STXBP5L: variants seen among roughly 807,000 people sequenced by gnomAD.
STXBP5L encodes the protein syntaxin-binding protein 5-like.
A neutral mutation model predicts 144.5 loss-of-function variants in STXBP5L; 65 were observed. That is an observed-to-expected ratio of 0.45 (90% CI 0.37 to 0.55). The LOEUF is 0.55. STXBP5L is among the 20% of genes least tolerant of loss of function. The pLI, the probability that STXBP5L is intolerant of heterozygous loss-of-function variation, is 0.00. For missense variants in STXBP5L, 1,298 were observed against 1,405.5 expected (o/e 0.92, Z 1.22); for synonymous variants, 505 against 469.6 (o/e 1.08, Z -0.97).
chr3:121,360,257 T>C (rs1430686875), intron 20 of STXBP5L, among the ~76,000 whole-genome samples: 1 of 151,514 alleles, frequency 6.6e-6, no homozygotes, highest in African/African-American at 2.4e-5. Context: ...TAGAATATCT[T>C]TTTCTATGCT....
intron 9 of STXBP5L, among the ~76,000 whole-genome samples, chr3:121,163,699 T>A (rs2046401768): frequency 1.3e-5 from 2 of 152,066 alleles, no homozygotes; most frequent in Admixed American, 6.6e-5. Flanking sequence ...ACTGGTTAAT[T>A]ACAGGCAGTT....
chr3:121,255,721 T>G (rs2050187316), intron 16 of STXBP5L, among the ~76,000 whole-genome samples: 1 of 152,046 alleles, frequency 6.6e-6, no homozygotes, highest in South Asian at 2.1e-4. Flanking sequence ...TGTAGCAACA[T>G]TTTTATGGGG....
At chr3:121,345,979 G>C (rs149860915) in intron 20 of STXBP5L, among the ~76,000 whole-genome samples, 75 of 151,668 alleles carry the variant, frequency 4.9e-4, no homozygotes, top group African/African-American at 1.8e-3. Context: ...TATACTTTAA[G>C]TTTTAGGGTA....
intron 20 of STXBP5L, among the ~76,000 whole-genome samples, chr3:121,342,579 G>A (rs1434293060): frequency 1.4e-5 from 2 of 143,630 alleles, no homozygotes; most frequent in African/African-American, 5.2e-5. Context: ...TTCCACCTAT[G>A]AGTGAGAATA....
At chr3:121,147,598 TAAC>T (rs1023242216) in intron 7 of STXBP5L, among the ~76,000 whole-genome samples, 29 of 152,268 alleles carry the variant, frequency 1.9e-4, no homozygotes, top group Admixed American at 1.9e-3. Context: ...AGTAGAAAGA[TAAC>T]AATAAAGATA....
intron 9 of STXBP5L, among the ~76,000 whole-genome samples, chr3:121,197,003 C>T (rs1240781014): frequency 6.6e-6 from 1 of 152,018 alleles, no homozygotes; most frequent in Non-Finnish European, 1.5e-5. Context: ...TTCTTTTCTT[C>T]TCTTTTCCTT....
intron 10 of STXBP5L, among the ~76,000 whole-genome samples, chr3:121,220,677 A>G (rs897953091): frequency 6.6e-6 from 1 of 152,094 alleles, no homozygotes; most frequent in South Asian, 2.1e-4. Context: ...AATTATCAAA[A>G]TTAATTTTTT....
At chr3:121,118,710 G>A (rs930131082) in intron 6 of STXBP5L, among the ~76,000 whole-genome samples, 1 of 151,504 alleles carries the variant, frequency 6.6e-6, no homozygotes, top group Non-Finnish European at 1.5e-5. Flanking sequence ...AATTATGTTG[G>A]TGTTGTAGGA....
At chr3:121,390,431 T>G (rs1045476530) in intron 22 of STXBP5L, among the ~76,000 whole-genome samples, 1 of 152,236 alleles carries the variant, frequency 6.6e-6, no homozygotes, top group African/African-American at 2.4e-5. Context: ...CCTGTCATTA[T>G]GATGTTAGCT....
chr3:121,363,711 G>T (rs1434765212), intron 20 of STXBP5L, among the ~76,000 whole-genome samples: 1 of 152,122 alleles, frequency 6.6e-6, no homozygotes, highest in African/African-American at 2.4e-5. Context: ...AAAACCAGGT[G>T]TTATGAGTGC....
chr3:121,343,733 T>C (rs1216215824), intron 20 of STXBP5L, among the ~76,000 whole-genome samples: 1 of 152,062 alleles, frequency 6.6e-6, no homozygotes, highest in East Asian at 1.9e-4. Context: ...AAATCACTGC[T>C]CAAGGAAATA....
At position 120,977,537 on chromosome 3, in the gene STXBP5L, C is replaced by T. The variant is rs545304141; in HGVS notation, c.287+22500C>T. 2.4e-4 allele frequency among the ~76,000 whole-genome samples: 37 copies of T among 152,236 alleles called. 2 individuals carry two copies. The South Asian group carries it at 6.2e-3, about 26-fold the overall frequency. The stretch of plus-strand genomic sequence containing the variant: ...TGTCTTTTAATTGTAGCATTTAGTC[C>T]TTTTACATTGAAAGTTAATATTGTT... On this transcript the variant is annotated intron_variant, in intron 3 of 26. Transcript: ENST00000471454.
intron 3 of STXBP5L, among the ~76,000 whole-genome samples, chr3:120,963,808 C>A (rs937615802): frequency 2.6e-5 from 4 of 152,106 alleles, no homozygotes; most frequent in African/African-American, 7.2e-5. Flanking sequence ...GGGAGGATTT[C>A]CTCTTTTTCT....
chr3:120,971,353 C>T (rs1445056463), intron 3 of STXBP5L, among the ~76,000 whole-genome samples: 33 of 151,054 alleles, frequency 2.2e-4, no homozygotes, highest in Non-Finnish European at 1.2e-4. Flanking sequence ...TCAGTAGGTA[C>T]TATTTTATCC....
chr3:121,187,600 T>TAA lies in STXBP5L; in HGVS notation c.878-18314_878-18313dup, dbSNP rs60294540. Among the ~76,000 whole-genome samples the TAA allele has an allele frequency of 3.0e-3, 440 of 146,264 alleles. 2 individuals carry two copies. Among genetic ancestry groups the TAA allele is most frequent in the South Asian group, 6.5e-3 (30 of 4,628 alleles). ...AAATAGAAAAAAGAACCATGAATGA[T>TAA]AAAAAAAAAAGAAAAAAAATAAACT... On this transcript the variant is annotated intron_variant, in intron 9 of 26. Coordinates refer to ENST00000471454, the MANE Select transcript of STXBP5L (RefSeq NM_001308330.2).
At chr3:121,079,067 C>G (rs1024077804) in intron 5 of STXBP5L, among the ~76,000 whole-genome samples, 1 of 152,256 alleles carries the variant, frequency 6.6e-6, no homozygotes, top group African/African-American at 2.4e-5. Flanking sequence ...GCAGAGGAGG[C>G]GCCCAGAGCG....
intron 19 of STXBP5L, among the ~76,000 whole-genome samples, chr3:121,290,035 A>C (rs1422238348): frequency 6.6e-6 from 1 of 152,086 alleles, no homozygotes; most frequent in African/African-American, 2.4e-5. Context: ...CCCAGCAGAA[A>C]AAAAGAAAGA....
chr3:121,022,338 T>A (rs1191000074), intron 3 of STXBP5L, among the ~76,000 whole-genome samples: 1 of 152,100 alleles, frequency 6.6e-6, no homozygotes, highest in Admixed American at 6.6e-5. Context: ...ACAGCTGTAT[T>A]CTATGAGACA....
At chr3:120,932,252 T>A (rs1216214362) in intron 2 of STXBP5L, among the ~76,000 whole-genome samples, 1 of 152,194 alleles carries the variant, frequency 6.6e-6, no homozygotes, top group Non-Finnish European at 1.5e-5. Flanking sequence ...TGAAATAGTG[T>A]TCTTGGAAAC....
Sources: allele counts gnomAD v4.1 joint callset (sites outside exome capture counted in the v4.1 genomes callset), GRCh38; gene constraint gnomAD v4.1.1; transcripts MANE v1.5; gene names NCBI Gene and HGNC (gene_info 2026-07-23, HGNC 2026-07-21).